ARHGAP35: variants seen among roughly 807,000 people sequenced by gnomAD.
ARHGAP35 encodes rho GTPase-activating protein 35.
In ARHGAP35, 15 loss-of-function variants were observed where a neutral mutation model predicts 111.1. The observed-to-expected ratio is 0.13, with a 90% CI of 0.09 to 0.21. The LOEUF (loss-of-function observed/expected upper bound fraction) is 0.21. ARHGAP35 is among the 10% of genes least tolerant of loss of function. The pLI, the probability that ARHGAP35 is intolerant of heterozygous loss-of-function variation, is 1.00. For missense variants in ARHGAP35, 1,262 were observed against 1,873.0 expected, an observed-to-expected ratio of 0.67 and a Z score of 6.02; for synonymous variants, 643 against 710.3, an observed-to-expected ratio of 0.91 and a Z score of 1.51.
chr19:46,976,303 A>G (rs1178505029), intron 3 of ARHGAP35, among the ~76,000 whole-genome samples: 1 of 151,206 alleles, frequency 6.6e-6, no homozygotes, highest in African/African-American at 2.4e-5. Flanking sequence ...GCATTCCAGA[A>G]ATTCCCCATT....
intron 1 of ARHGAP35, among the ~76,000 whole-genome samples, chr19:46,878,727 A>G (rs937981577): frequency 3.9e-5 from 6 of 152,078 alleles, no homozygotes; most frequent in East Asian, 3.8e-4. Context: ...TGCAACCTCA[A>G]CCTCCTGGGC....
intron 1 of ARHGAP35, among the ~76,000 whole-genome samples, chr19:46,905,525 GC>G (rs2056102304): frequency 6.7e-6 from 1 of 149,714 alleles, no homozygotes; most frequent in African/African-American, 2.5e-5. Context: ...ACAGGCGCCT[GC>G]CACCGCGCCC....
At chr19:46,907,631 A>C (rs566455496) in intron 1 of ARHGAP35, among the ~76,000 whole-genome samples, 5 of 148,572 alleles carry the variant, frequency 3.4e-5, no homozygotes, top group Non-Finnish European at 5.9e-5. Context: ...GGCGCCCACC[A>C]CTATGACCGG....
chr19:46,919,962 A>G lies in ARHGAP35; in HGVS notation c.1287A>G (p.Arg429=). The G allele has an allele frequency of 4.3e-6, 7 of 1,613,956 alleles. No homozygotes were observed. The highest frequency in any genetic ancestry group is 5.9e-6 in the Non-Finnish European group (7 of 1,179,864). ...HLEKLRNERK[R]VEMRRAFKEN... is the part of the protein sequence containing the mutation. ...AGAAGCTGAGGAACGAAAGGAAAAGAGTTGAGATGCGAAGGGCGTTTAAAG... is the reference window on the plus strand; with the variant it reads ...AGAAGCTGAGGAACGAAAGGAAAAGGGTTGAGATGCGAAGGGCGTTTAAAG... The change falls in exon 2 of 7, where the codon AGA becomes AGG. Residue 429 remains arginine (R), a synonymous_variant. Transcript: ENST00000672722. This position sits in a 1 kb window ranked among gnomAD's most constrained non-coding sequence, Gnocchi z 6.2.
At chr19:46,881,560 G>A (rs190413448) in intron 1 of ARHGAP35, among the ~76,000 whole-genome samples, 4 of 152,272 alleles carry the variant, frequency 2.6e-5, no homozygotes, top group African/African-American at 9.6e-5. Flanking sequence ...TCAATGGTGG[G>A]CTTAAAAATA....
rs151000690 is a variant in ARHGAP35, at chr19:46,977,409, C to T, written c.3827-10580C>T. Among the ~76,000 whole-genome samples, 15 of 152,372 alleles carry T rather than the reference C, an allele frequency of 9.8e-5. 1 individual carries two copies. Among genetic ancestry groups the T allele is most frequent in the African/African-American group, 3.6e-4 (15 of 41,592 alleles). On this transcript the variant is annotated intron_variant, in intron 3 of 6. Coordinates refer to ENST00000672722, the MANE Select transcript of ARHGAP35 (RefSeq NM_004491.5). ...CCGCTTAGGGAGCAGCTCCTCCATG[C>T]TGGCCCCAGTAAGGCACAGGCCCCT...
At chr19:46,936,443 A>G (rs1253355871) in intron 2 of ARHGAP35, among the ~76,000 whole-genome samples, 2 of 152,214 alleles carry the variant, frequency 1.3e-5, no homozygotes, top group African/African-American at 2.4e-5. Context: ...ACTGAGAATT[A>G]ACCCCAAGCT....
chr19:46,994,467 C>T lies in ARHGAP35; in HGVS notation c.4036+4792C>T, dbSNP rs1390893571. 6.6e-6 allele frequency among the ~76,000 whole-genome samples: 1 copy of T among 152,184 alleles called. No individual in the cohort carries two copies. The highest frequency in any genetic ancestry group is 2.4e-5 in the African/African-American group (1 of 41,446). Reference sequence around the variant, plus strand: ...TTGGCCACCAGCTTGTTCCCCAGGCCTCTGGCTTGGAGCCTCGGGAGTCTG... The same window carrying T: ...TTGGCCACCAGCTTGTTCCCCAGGCTTCTGGCTTGGAGCCTCGGGAGTCTG... On this transcript the variant is annotated intron_variant, in intron 5 of 6. Coordinates refer to ENST00000672722, the MANE Select transcript of ARHGAP35 (RefSeq NM_004491.5). This position sits in a 1 kb window ranked among gnomAD's most constrained non-coding sequence, Gnocchi z 5.4.
At chr19:46,879,784 CA>C (rs35769391) in intron 1 of ARHGAP35, among the ~76,000 whole-genome samples, 4,258 of 97,428 alleles carry the variant, frequency 0.044, 150 homozygotes, top group Admixed American at 0.13. Flanking sequence ...ACTCTTGTCT[CA>C]AAAAAAAAAA....
intron 3 of ARHGAP35, among the ~76,000 whole-genome samples, chr19:46,981,857 G>A (rs1014380714): frequency 9.2e-5 from 14 of 151,550 alleles, no homozygotes; most frequent in African/African-American, 3.2e-4. Flanking sequence ...GTTTTGTTTT[G>A]TTTTGTTTTG....
At chr19:46,880,905 G>C (rs2055958996) in intron 1 of ARHGAP35, among the ~76,000 whole-genome samples, 1 of 150,584 alleles carries the variant, frequency 6.6e-6, no homozygotes, top group African/African-American at 2.5e-5. Context: ...TGAACTCCTG[G>C]CCTGAAGGGA....
At chr19:46,924,481 A>G (rs370185334) in intron 2 of ARHGAP35, among the ~76,000 whole-genome samples, 3 of 152,328 alleles carry the variant, frequency 2.0e-5, no homozygotes, top group African/African-American at 7.2e-5. Context: ...TGTGCTGACT[A>G]TTAATAAATG....
chr19:46,917,010 C>T (rs1388143298), intron 1 of ARHGAP35, among the ~76,000 whole-genome samples: 1 of 151,144 alleles, frequency 6.6e-6, no homozygotes, highest in Non-Finnish European at 1.5e-5. Flanking sequence ...AAACATAAAA[C>T]TTGCCATTTT....
intron 5 of ARHGAP35, among the ~76,000 whole-genome samples, chr19:46,991,228 G>A (rs1212797162): frequency 6.6e-6 from 1 of 152,172 alleles, no homozygotes; most frequent in African/African-American, 2.4e-5. Flanking sequence ...TTCTTTCCAC[G>A]GAAGCTTGTC....
intron 3 of ARHGAP35, among the ~76,000 whole-genome samples, chr19:46,974,451 G>T (rs1441085143): frequency 6.6e-6 from 1 of 152,082 alleles, no homozygotes; most frequent in African/African-American, 2.4e-5. Flanking sequence ...TCAAGAAAAC[G>T]CTTAACATAC....
chr19:46,914,699 A>G (rs1233620837), intron 1 of ARHGAP35, among the ~76,000 whole-genome samples: 3 of 152,210 alleles, frequency 2.0e-5, no homozygotes, highest in Non-Finnish European at 4.4e-5. Flanking sequence ...AAAATATGCC[A>G]TTAAAAAATA....
chr19:46,862,857 TC>T (rs2055836216), intron 1 of ARHGAP35, among the ~76,000 whole-genome samples: 1 of 152,068 alleles, frequency 6.6e-6, no homozygotes, highest in Non-Finnish European at 1.5e-5. Context: ...TTGCCCACCC[TC>T]CACTGTTCTG....
intron 1 of ARHGAP35, among the ~76,000 whole-genome samples, chr19:46,902,819 A>G (rs1317856822): frequency 6.6e-6 from 1 of 152,132 alleles, no homozygotes; most frequent in Admixed American, 6.5e-5. Flanking sequence ...ACTCCCCCCA[A>G]CATACACAGC....
At chr19:46,978,642 G>A (rs1197154984) in intron 3 of ARHGAP35, among the ~76,000 whole-genome samples, 1 of 132,254 alleles carries the variant, frequency 7.6e-6, no homozygotes, top group African/African-American at 2.9e-5. Context: ...GTGCGGTGGG[G>A]TATGTGTGTG....
Sources: gnomAD v4.1 joint callset for allele counts (sites outside exome capture counted in the v4.1 genomes callset) on GRCh38, gnomAD v4.1.1 for gene constraint, Gnocchi (gnomAD v3.1) non-coding constraint, MANE v1.5 for transcripts, NCBI Gene and HGNC (gene_info 2026-07-23, HGNC 2026-07-21) for gene names.